Variants in TPST2 observed in about 807,000 individuals in gnomAD.
The protein encoded by TPST2 is protein-tyrosine sulfotransferase 2.
In TPST2, 16 loss-of-function variants were observed where a neutral mutation model predicts 27.8. That is an observed-to-expected ratio of 0.58 (90% CI 0.39 to 0.88). TPST2 has a LOEUF of 0.88. Ranked by LOEUF, TPST2 falls within the 40% of genes least tolerant of loss-of-function variation. TPST2 has a pLI of 0.00. For synonymous variants in TPST2, 229 were observed against 231.7 expected, an observed-to-expected ratio of 0.99 and a Z score of 0.10; for missense variants, 464 against 543.1, an observed-to-expected ratio of 0.85 and a Z score of 1.45.
intron 1 of TPST2, among the ~76,000 whole-genome samples, chr22:26,566,281 G>C (rs553445422): frequency 6.6e-6 from 1 of 152,272 alleles, no homozygotes; most frequent in South Asian, 2.1e-4. Context: ...GGCTGGGTGC[G>C]GTGGCTCACG....
intron 1 of TPST2, among the ~76,000 whole-genome samples, chr22:26,554,708 TG>T (rs1352743453): frequency 6.6e-6 from 1 of 152,116 alleles, no homozygotes; most frequent in Non-Finnish European, 1.5e-5. Context: ...GAGGCCAAGG[TG>T]GGCGGATCAC....
chr22:26,581,013 CATACAT>C (rs1207690639), intron 1 of TPST2, among the ~76,000 whole-genome samples: 12 of 65,686 alleles, frequency 1.8e-4, no homozygotes, highest in Admixed American at 8.9e-4. Flanking sequence ...CAACCCTCAA[CATACAT>C]ACACACACAC....
intron 5 of TPST2, among the ~76,000 whole-genome samples, chr22:26,528,709 G>A (rs560905259): frequency 6.6e-6 from 1 of 152,296 alleles, no homozygotes; most frequent in Non-Finnish European, 1.5e-5. Context: ...TTGGCCGGGC[G>A]CCATGGCTCA....
At chr22:26,546,596 G>A (rs1157430060) in intron 1 of TPST2, among the ~76,000 whole-genome samples, 2 of 152,268 alleles carry the variant, frequency 1.3e-5, no homozygotes, top group African/African-American at 4.8e-5. Flanking sequence ...TGTCAGGGCT[G>A]TCAGTCATTT....
intron 1 of TPST2, among the ~76,000 whole-genome samples, chr22:26,553,649 C>CTCATTTTTTTTTTTTTTTTT (rs1555931704): frequency 4.6e-5 from 7 of 151,656 alleles, no homozygotes; most frequent in Non-Finnish European, 5.9e-5. Flanking sequence ...TGAGCTACTG[C>CTCATTTTTTTTTTTTTTTTT]ACCTGGCTGG....
In TPST2 at chr22:26,561,177, G is replaced by T; in HGVS notation, c.-160-16502C>A. The stretch of plus-strand genomic sequence containing the variant: ...TGATGAATAAGTTGGTTCTAGCGCA[G>T]TTTTTTTTTTCTTGTCTATAAAGCA... On this transcript the variant is annotated intron_variant, in intron 1 of 6. Coordinates refer to ENST00000338754, the MANE Select transcript of TPST2 (RefSeq NM_003595.5). 2.1e-6 allele frequency: 3 copies of T among 1,443,696 alleles called. No individual in the cohort carries two copies. The South Asian group carries it at 4.0e-5, about 19-fold the overall frequency. 89.4% of individuals were successfully genotyped at this position (1,443,696 alleles called of 1,614,324 possible).
intron 1 of TPST2, among the ~76,000 whole-genome samples, chr22:26,567,286 GC>G (rs1927418745): frequency 6.6e-6 from 1 of 152,312 alleles, no homozygotes; most frequent in Admixed American, 6.5e-5. Context: ...GGATCCCACA[GC>G]CCCCTGCGCT....
At chr22:26,549,580 C>A (rs1224320444) in intron 1 of TPST2, among the ~76,000 whole-genome samples, 1 of 148,948 alleles carries the variant, frequency 6.7e-6, no homozygotes, top group Non-Finnish European at 1.5e-5. Context: ...TCGCTTGAAC[C>A]TGGGAGGCAG....
chr22:26,545,790 C>T (rs987049207), intron 1 of TPST2, among the ~76,000 whole-genome samples: 3 of 152,160 alleles, frequency 2.0e-5, no homozygotes, highest in Non-Finnish European at 4.4e-5. Flanking sequence ...CTTTTTAAAT[C>T]TCAGCCAGGC....
intron 2 of TPST2, among the ~76,000 whole-genome samples, chr22:26,542,114 C>T (rs1235490269): frequency 2.6e-5 from 4 of 151,958 alleles, no homozygotes; most frequent in African/African-American, 7.3e-5. Flanking sequence ...TGGTGGCGGG[C>T]GCCTGTAGTC....
At chr22:26,529,295 A>AT (rs972349477) in intron 5 of TPST2, among the ~76,000 whole-genome samples, 1 of 152,014 alleles carries the variant, frequency 6.6e-6, no homozygotes, top group Non-Finnish European at 1.5e-5. Context: ...AATGGCTAAT[A>AT]TTTTTTGTAT....
intron 1 of TPST2, among the ~76,000 whole-genome samples, chr22:26,573,310 C>T (rs557666894): frequency 1.1e-4 from 17 of 152,356 alleles, no homozygotes; most frequent in African/African-American, 2.9e-4. Flanking sequence ...AGATGACAGG[C>T]GTGAGCCACG....
intron 4 of TPST2, among the ~76,000 whole-genome samples, chr22:26,535,256 G>A (rs1925388023): frequency 1.3e-5 from 2 of 152,216 alleles, no homozygotes; most frequent in South Asian, 4.1e-4. Context: ...ATCAGCACAC[G>A]CTCAGAAATG....
intron 1 of TPST2, among the ~76,000 whole-genome samples, chr22:26,562,479 C>T (rs1156408892): frequency 2.6e-5 from 4 of 152,182 alleles, no homozygotes; most frequent in African/African-American, 9.7e-5. Flanking sequence ...ATTGGTACAA[C>T]CTCTATATTA....
At chr22:26,536,037 T>C (rs952454221) in intron 4 of TPST2, 1 of 647,652 alleles carries the variant, frequency 1.5e-6, no homozygotes, top group Admixed American at 2.2e-5. Context: ...ATGAAATTAG[T>C]GTACAAGCTG....
chr22:26,526,804 G>A (rs1487397401), intron 6 of TPST2, among the ~76,000 whole-genome samples: 1 of 152,170 alleles, frequency 6.6e-6, no homozygotes, highest in Non-Finnish European at 1.5e-5. Flanking sequence ...TTGGGTAGGT[G>A]TGGTGGCTCA....
At chr22:26,570,797 C>T (rs1830228718) in intron 1 of TPST2, among the ~76,000 whole-genome samples, 1 of 151,068 alleles carries the variant, frequency 6.6e-6, no homozygotes, top group Admixed American at 6.6e-5. Flanking sequence ...CATGCTGGTG[C>T]CAAAAACCTT....
At chr22:26,551,883 CTTT>C (rs1163793644) in intron 1 of TPST2, among the ~76,000 whole-genome samples, 74 of 66,408 alleles carry the variant, frequency 1.1e-3, no homozygotes, top group Middle Eastern at 8.6e-3. Context: ...TTTTCTTTTT[CTTT>C]TTTTTTTTTT....
intron 1 of TPST2, among the ~76,000 whole-genome samples, chr22:26,575,154 T>C (rs1440898265): frequency 2.6e-5 from 4 of 152,114 alleles, no homozygotes; most frequent in Non-Finnish European, 5.9e-5. Flanking sequence ...GCCCTATGTC[T>C]TTCATCTGGA....
Sources: gnomAD v4.1 joint callset for allele counts (sites outside exome capture counted in the v4.1 genomes callset) on GRCh38, gnomAD v4.1.1 for gene constraint, MANE v1.5 for transcripts, NCBI Gene and HGNC (gene_info 2026-07-23, HGNC 2026-07-21) for gene names.